Variants in TBC1D14 observed in about 807,000 individuals in gnomAD.
The protein encoded by TBC1D14 is TBC1 domain family member 14.
TBC1D14 carries 26 observed loss-of-function variants against 79.0 expected under a neutral mutation model. That is an observed-to-expected ratio of 0.33 (90% CI 0.24 to 0.46). The LOEUF (loss-of-function observed/expected upper bound fraction) is 0.46. TBC1D14 is among the 20% of genes least tolerant of loss of function. The pLI is 1.00. For synonymous variants in TBC1D14, 394 were observed against 349.9 expected (o/e 1.13, Z -1.40); for missense variants, 769 against 887.6 (o/e 0.87, Z 1.70).
At chr4:6,928,479 C>T (rs1724460237) in intron 2 of TBC1D14, among the ~76,000 whole-genome samples, 1 of 152,142 alleles carries the variant, frequency 6.6e-6, no homozygotes, top group East Asian at 1.9e-4. Flanking sequence ...GGTCACTTAG[C>T]CCCTGCGATC....
intron 2 of TBC1D14, among the ~76,000 whole-genome samples, chr4:6,927,388 C>T (rs1724375839): frequency 6.6e-6 from 1 of 152,062 alleles, no homozygotes. Flanking sequence ...CGCTGTGGGC[C>T]TTGGGCAAGT....
chr4:6,954,639 C>T (rs943877456), intron 2 of TBC1D14, among the ~76,000 whole-genome samples: 4 of 152,200 alleles, frequency 2.6e-5, no homozygotes, highest in Admixed American at 2.6e-4. Flanking sequence ...CTGGTTCTGT[C>T]GCCCAGGCTG....
chr4:6,982,782 C>T (rs1323576195), intron 3 of TBC1D14, among the ~76,000 whole-genome samples: 1 of 152,140 alleles, frequency 6.6e-6, no homozygotes, highest in Non-Finnish European at 1.5e-5. Flanking sequence ...TGAAATACTG[C>T]ACCGACCTCA....
chr4:6,912,684 C>G (rs532834363), intron 1 of TBC1D14, among the ~76,000 whole-genome samples: 1 of 152,202 alleles, frequency 6.6e-6, no homozygotes, highest in African/African-American at 2.4e-5. Flanking sequence ...TTGGCTGGCC[C>G]GATCCGTGTC....
chr4:6,934,438 C>T (rs960743253), intron 2 of TBC1D14, among the ~76,000 whole-genome samples: 4 of 151,918 alleles, frequency 2.6e-5, no homozygotes, highest in African/African-American at 9.7e-5. Flanking sequence ...TTTGGGAGAC[C>T]GAGGCAAGTC....
At chr4:7,022,989 C>G (rs142797441) in intron 12 of TBC1D14, among the ~76,000 whole-genome samples, 1 of 152,136 alleles carries the variant, frequency 6.6e-6, no homozygotes, top group African/African-American at 2.4e-5. Context: ...GGCGTGGTGG[C>G]TCACGCCTGT....
intron 3 of TBC1D14, chr4:6,987,384 GC>G: frequency 7.1e-7 from 1 of 1,403,730 alleles, no homozygotes; most frequent in Non-Finnish European, 9.3e-7. Flanking sequence ...CTCTCCCTGC[GC>G]CCCAGGCCTG....
chr4:6,919,142 G>A (rs34760356), intron 1 of TBC1D14, among the ~76,000 whole-genome samples: 69,180 of 151,758 alleles, frequency 0.46, 16,296 homozygotes, highest in East Asian at 0.66. Context: ...CAGCACCTGG[G>A]TAATTTCACC....
At chr4:7,013,182 G>A (rs1036873760) in intron 11 of TBC1D14, among the ~76,000 whole-genome samples, 11 of 152,220 alleles carry the variant, frequency 7.2e-5, no homozygotes, top group African/African-American at 2.7e-4. Context: ...GTTGAACTTA[G>A]GACTGTGTGA....
intron 2 of TBC1D14, among the ~76,000 whole-genome samples, chr4:6,948,680 A>G (rs1232981458): frequency 6.9e-6 from 1 of 145,900 alleles, no homozygotes; most frequent in African/African-American, 2.5e-5. Flanking sequence ...TCTTTTTGTC[A>G]TTCCGGTGAC....
At chr4:7,028,413 G>A (rs574332414) in intron 13 of TBC1D14, among the ~76,000 whole-genome samples, 19 of 151,780 alleles carry the variant, frequency 1.3e-4, no homozygotes, top group African/African-American at 4.3e-4. Context: ...CATCAGTGAC[G>A]TGCTGTCAGT....
intron 11 of TBC1D14, among the ~76,000 whole-genome samples, chr4:7,012,592 G>A (rs1252202666): frequency 6.6e-6 from 1 of 152,240 alleles, no homozygotes; most frequent in Non-Finnish European, 1.5e-5. Flanking sequence ...GTGATCAGTA[G>A]TGATGCTTAC....
intron 3 of TBC1D14, among the ~76,000 whole-genome samples, chr4:6,977,042 T>A (rs997688215): frequency 6.1e-5 from 6 of 98,036 alleles, no homozygotes; most frequent in Non-Finnish European, 2.1e-5. Context: ...CTCCTCTCCC[T>A]CTCCCTCCTC....
intron 1 of TBC1D14, among the ~76,000 whole-genome samples, chr4:6,917,739 TGGTC>T (rs965338954): frequency 1.3e-5 from 2 of 152,192 alleles, no homozygotes; most frequent in South Asian, 2.1e-4. Context: ...CATCTGCAGT[TGGTC>T]GGTCTCCTGG....
rs918490173 is a variant in TBC1D14, at chr4:6,987,378, C to A, written c.844-6806C>A. 4 of 1,413,382 alleles carry A rather than the reference C, an allele frequency of 2.8e-6. No individual in the cohort carries two copies. The Admixed American group carries it at 1.0e-4, about 36-fold the overall frequency. 87.6% of individuals were successfully genotyped at this position (1,413,382 alleles called of 1,614,324 possible). Reference sequence around the variant, plus strand: ...AGTCGGGGTGCGGGCCGGTGCCTCTCCCTGCGCCCCAGGCCTGCCCGGTCC... The same window carrying A: ...AGTCGGGGTGCGGGCCGGTGCCTCTACCTGCGCCCCAGGCCTGCCCGGTCC... On this transcript the variant is annotated intron_variant, in intron 3 of 13. Coordinates refer to ENST00000409757, the MANE Select transcript of TBC1D14 (RefSeq NM_020773.3).
intron 3 of TBC1D14, among the ~76,000 whole-genome samples, chr4:6,978,247 C>G (rs533453680): frequency 3.8e-3 from 575 of 151,636 alleles, no homozygotes; most frequent in African/African-American, 0.013. Context: ...GTGTACTCAA[C>G]AGCTCATTGA....
At chr4:6,951,585 C>T (rs1485199565) in intron 2 of TBC1D14, among the ~76,000 whole-genome samples, 19 of 152,166 alleles carry the variant, frequency 1.2e-4, no homozygotes, top group Admixed American at 1.1e-3. Context: ...ACCTACACCC[C>T]CTCCCTCACA....
intron 2 of TBC1D14, among the ~76,000 whole-genome samples, chr4:6,934,952 C>T (rs1560257982): frequency 6.6e-6 from 1 of 152,102 alleles, no homozygotes; most frequent in East Asian, 1.9e-4. Context: ...TGGTGGTGTG[C>T]ACCTATAATC....
chr4:7,019,385 C>T (rs921859408), intron 12 of TBC1D14, among the ~76,000 whole-genome samples: 6 of 151,884 alleles, frequency 4.0e-5, no homozygotes, highest in African/African-American at 1.5e-4. Flanking sequence ...GTTTCTGCTG[C>T]CTCTTGCACT....
Sources: gnomAD v4.1 joint callset for allele counts (sites outside exome capture counted in the v4.1 genomes callset) on GRCh38, gnomAD v4.1.1 for gene constraint, MANE v1.5 for transcripts, NCBI Gene and HGNC (gene_info 2026-07-23, HGNC 2026-07-21) for gene names.